The following FHL2 variants were observed in gnomAD, a reference collection of about 807,000 sequenced individuals.
The protein encoded by FHL2 is four and a half LIM domains protein 2.
A neutral mutation model predicts 32.7 loss-of-function variants in FHL2; 20 were observed. That is an observed-to-expected ratio of 0.61 (90% CI 0.43 to 0.89). FHL2 has a LOEUF of 0.89. FHL2 is among the 40% of genes least tolerant of loss of function. The pLI is 0.00. For missense variants in FHL2, 311 were observed against 358.6 expected (o/e 0.87, Z 1.07); for synonymous variants, 123 against 128.1 (o/e 0.96, Z 0.27).
In FHL2 at chr2:105,371,546, A is replaced by ATCTCTCTCTCTC. The variant is rs10701119; in HGVS notation, c.331+2001_331+2012dup. Among the ~76,000 whole-genome samples, 754 of 141,042 alleles carry ATCTCTCTCTCTC rather than the reference A, an allele frequency of 5.3e-3. 9 individuals carry two copies. Among genetic ancestry groups the ATCTCTCTCTCTC allele is most frequent in the South Asian group, 0.027 (110 of 4,092 alleles). 92.5% of individuals were successfully genotyped at this position (141,042 alleles called of 152,430 possible). The stretch of plus-strand genomic sequence containing the variant: ...CAATCTCATGAGCCAATCCCTTGAA[A>ATCTCTCTCTCTC]TCTCTCTCTCTCTCTCTCTCTCTCT... On this transcript the variant is annotated intron_variant, in intron 4 of 6. Transcript: ENST00000530340.
chr2:105,414,790 TG>T (rs1261374365), intron 1 of FHL2, among the ~76,000 whole-genome samples: 8 of 152,324 alleles, frequency 5.3e-5, no homozygotes, highest in Non-Finnish European at 1.2e-4. Flanking sequence ...TGGCTTCAAG[TG>T]ATCCACCCAC....
upstream of FHL2, among the ~76,000 whole-genome samples, chr2:105,403,978 G>C (rs1467866415): frequency 2.0e-5 from 3 of 152,170 alleles, no homozygotes; most frequent in Admixed American, 1.3e-4. Context: ...GCGTGTGCTC[G>C]CAACTGCCAC....
intron 3 of FHL2, chr2:105,385,864 CCTT>C (rs1682268067): frequency 5.7e-6 from 1 of 176,814 alleles, no homozygotes. Flanking sequence ...CAAATCCTGT[CCTT>C]CTCTCATTAA....
intron 6 of FHL2, 115 bp downstream of exon 6, chr2:105,363,170 A>G (rs1680394334): frequency 3.1e-6 from 3 of 969,264 alleles, no homozygotes; most frequent in Non-Finnish European, 4.7e-6. Context: ...TGCTGTGTTC[A>G]GAGCCTTAGG....
At chr2:105,382,339 G>T (rs1193872863) in intron 3 of FHL2, among the ~76,000 whole-genome samples, 2 of 152,172 alleles carry the variant, frequency 1.3e-5, no homozygotes, top group Non-Finnish European at 2.9e-5. Flanking sequence ...ACCACATCTG[G>T]CCCGAGAGTC....
chr2:105,407,192 A>G (rs1683659638), intron 1 of FHL2, among the ~76,000 whole-genome samples: 1 of 152,144 alleles, frequency 6.6e-6, no homozygotes, highest in South Asian at 2.1e-4. Flanking sequence ...AGAGATAGAG[A>G]CCATCCTGGC....
chr2:105,400,951 A>T (rs887977163), upstream of FHL2, among the ~76,000 whole-genome samples: 4 of 152,008 alleles, frequency 2.6e-5, no homozygotes, highest in Admixed American at 6.5e-5. Context: ...CTGGAAACAA[A>T]CATACCCAGT....
At chr2:105,383,705 C>T (rs1682072908) in intron 3 of FHL2, among the ~76,000 whole-genome samples, 2 of 152,168 alleles carry the variant, frequency 1.3e-5, no homozygotes, top group South Asian at 4.1e-4. Flanking sequence ...CCCCGCCTGC[C>T]AGGATTGTGG....
chr2:105,394,022 C>G (rs768167888), intron 2 of FHL2, among the ~76,000 whole-genome samples: 3 of 152,178 alleles, frequency 2.0e-5, no homozygotes, highest in Non-Finnish European at 4.4e-5. Flanking sequence ...GCAGAAGGCC[C>G]TGATGTTCTA....
At chr2:105,398,704 C>G (rs938583231) in intron 1 of FHL2, 138 bp downstream of exon 1, 2 of 645,490 alleles carry the variant, frequency 3.1e-6, no homozygotes, top group Non-Finnish European at 4.7e-6. Flanking sequence ...GGTCTCCCCA[C>G]CCCCAACCCC....
upstream of FHL2, among the ~76,000 whole-genome samples, chr2:105,403,848 C>A (rs1422211592): frequency 1.3e-5 from 2 of 152,230 alleles, no homozygotes; most frequent in South Asian, 4.1e-4. Flanking sequence ...TTACTTCACT[C>A]AGGGAAGCAG....
intron 1 of FHL2, among the ~76,000 whole-genome samples, chr2:105,431,961 TTAA>T (rs1684448915): frequency 6.6e-6 from 1 of 152,226 alleles, no homozygotes. Context: ...GCTGCTGCTG[TTAA>T]TAAAAGTAGC....
chr2:105,433,440 C>T (rs1356305480), intron 1 of FHL2, among the ~76,000 whole-genome samples: 1 of 152,154 alleles, frequency 6.6e-6, no homozygotes, highest in Non-Finnish European at 1.5e-5. Context: ...CCTCGGCCTC[C>T]CAAAGTGCTG....
At chr2:105,357,898 T>C (rs1214799479), downstream of FHL2, 1 of 152,222 alleles carries the variant, frequency 6.6e-6, no homozygotes, top group East Asian at 1.9e-4. Context: ...TTAAGCACTT[T>C]GAGCTAATAA....
rs1683148452 is a variant in FHL2 at position 105,396,654 on chromosome 2, T to A, written c.-32A>T. The stretch of plus-strand genomic sequence containing the variant: ...GAAATTCACTTGACTCACCCCAAAG[T>A]CAAAATGCCAGCCTAGTCTCCAGGA... On this transcript the variant is annotated 5_prime_UTR_variant, in exon 2 of 7. Transcript: ENST00000530340. 6.2e-7 allele frequency: 1 copy of A among 1,612,692 alleles called. No homozygotes were observed. Among genetic ancestry groups the A allele is most frequent in the African/African-American group, 1.3e-5 (1 of 75,032 alleles).
At chr2:105,402,529 G>A (rs1352720772), upstream of FHL2, among the ~76,000 whole-genome samples, 1 of 152,036 alleles carries the variant, frequency 6.6e-6, no homozygotes, top group South Asian at 2.1e-4. Flanking sequence ...ACAGGCGTGG[G>A]CGACCATGCC....
Position 105,361,139 on chromosome 2 carries a change from A to T in FHL2, c.*144T>A. 1 of 812,034 alleles carries T rather than the reference A, an allele frequency of 1.2e-6. No individual in the cohort carries two copies. Among genetic ancestry groups the T allele is most frequent in the Non-Finnish European group, 1.9e-6 (1 of 514,504 alleles). The allele number at this position is 812,034 out of a possible 1,614,324, so 50.3% of individuals were successfully genotyped here. ...ACTATCACAAAGCACTAAAGGGTTT[A>T]AGCAAACGTGAGTATCACTGAAAAG... On this transcript the variant is annotated 3_prime_UTR_variant, in exon 7 of 7. Transcript: ENST00000530340.
At chr2:105,424,695 C>T (rs1426449425) in intron 1 of FHL2, among the ~76,000 whole-genome samples, 1 of 152,078 alleles carries the variant, frequency 6.6e-6, no homozygotes, top group African/African-American at 2.4e-5. Context: ...TACTATGCAG[C>T]CATAAAAAGG....
At chr2:105,370,794 G>A (rs1681009897) in intron 4 of FHL2, among the ~76,000 whole-genome samples, 1 of 152,154 alleles carries the variant, frequency 6.6e-6, no homozygotes, top group African/African-American at 2.4e-5. Flanking sequence ...TGCCTTTGGT[G>A]CCCAGTCCGT....
Sources: gnomAD v4.1 joint callset for allele counts (sites outside exome capture counted in the v4.1 genomes callset) on GRCh38, gnomAD v4.1.1 for gene constraint, MANE v1.5 for transcripts, NCBI Gene and HGNC (gene_info 2026-07-23, HGNC 2026-07-21) for gene names.